The following EXOC4 variants were observed in gnomAD, a reference collection of about 807,000 sequenced individuals.
EXOC4 encodes the protein exocyst complex component 4.
In EXOC4, 71 loss-of-function variants were observed where a neutral mutation model predicts 107.2. The ratio of observed to expected loss-of-function variants is 0.66; its 90% CI spans 0.55 to 0.81. The LOEUF (loss-of-function observed/expected upper bound fraction) is 0.81, where lower values mean the gene tolerates loss of function less well. EXOC4 is among the 30% of genes least tolerant of loss of function. The pLI, the probability that EXOC4 is intolerant of heterozygous loss-of-function variation, is 0.00. For missense variants in EXOC4, 1,108 were observed against 1,189.6 expected (o/e 0.93, Z 1.01); for synonymous variants, 456 against 441.2 (o/e 1.03, Z -0.42).
intron 13 of EXOC4, among the ~76,000 whole-genome samples, chr7:133,926,566 A>G (rs1299218583): frequency 6.6e-6 from 1 of 152,202 alleles, no homozygotes; most frequent in Non-Finnish European, 1.5e-5. Context: ...TGGAGGAAAA[A>G]TAATCTATTG....
At chr7:134,014,514 T>G (rs1794853781) in intron 17 of EXOC4, among the ~76,000 whole-genome samples, 1 of 152,188 alleles carries the variant, frequency 6.6e-6, no homozygotes, top group South Asian at 2.1e-4. Context: ...TGCTGAATCT[T>G]GAAACATTAT....
At chr7:133,396,858 T>G (rs1796980289) in intron 7 of EXOC4, among the ~76,000 whole-genome samples, 1 of 152,216 alleles carries the variant, frequency 6.6e-6, no homozygotes, top group African/African-American at 2.4e-5. Flanking sequence ...TTTGCTTCTA[T>G]TCAGTACCAT....
At chr7:134,074,914 A>C in the EXOC4 span, among the ~76,000 whole-genome samples, 314 of 152,312 alleles carry the variant, frequency 2.1e-3, no homozygotes, top group Middle Eastern at 0.01. Flanking sequence ...GGAAAATGGA[A>C]CTGGACCATG....
At chr7:133,325,634 G>A (rs745465668) in intron 5 of EXOC4, among the ~76,000 whole-genome samples, 74 of 152,296 alleles carry the variant, frequency 4.9e-4, no homozygotes, top group Admixed American at 1.6e-3. Context: ...CTCTCTGGCT[G>A]CCCTTAATAT....
chr7:134,046,481 CAAA>C (rs1202342530), intron 17 of EXOC4, among the ~76,000 whole-genome samples: 2 of 148,602 alleles, frequency 1.3e-5, no homozygotes, highest in African/African-American at 4.9e-5. Flanking sequence ...AAAAAAAAAA[CAAA>C]AAAAGACGGC....
At chr7:133,658,914 A>G (rs887391439) in intron 10 of EXOC4, among the ~76,000 whole-genome samples, 1 of 150,632 alleles carries the variant, frequency 6.6e-6, no homozygotes, top group African/African-American at 2.4e-5. Context: ...TAGGAAAGAA[A>G]TGATCTTTTG....
intron 10 of EXOC4, among the ~76,000 whole-genome samples, chr7:133,716,679 A>C (rs1383961185): frequency 6.6e-6 from 1 of 152,220 alleles, no homozygotes; most frequent in African/African-American, 2.4e-5. Context: ...ACTGTGGCTC[A>C]TGCCTGTAAT....
At chr7:133,553,330 A>G (rs183778573) in intron 9 of EXOC4, among the ~76,000 whole-genome samples, 9 of 152,240 alleles carry the variant, frequency 5.9e-5, no homozygotes, top group East Asian at 1.9e-4. Context: ...TGCTAAATCA[A>G]TTCCGTCTCT....
At chr7:133,734,196 G>C (rs568182603) in intron 10 of EXOC4, among the ~76,000 whole-genome samples, 2 of 152,218 alleles carry the variant, frequency 1.3e-5, no homozygotes, top group Non-Finnish European at 2.9e-5. Context: ...CCTTGGGACA[G>C]CTTCCGTTAG....
At chr7:133,673,520 C>T (rs1431450686) in intron 10 of EXOC4, among the ~76,000 whole-genome samples, 1 of 152,194 alleles carries the variant, frequency 6.6e-6, no homozygotes, top group African/African-American at 2.4e-5. Flanking sequence ...GGTCTCACCA[C>T]ACACACCCTT....
At chr7:133,919,322 T>A (rs1323662279) in intron 13 of EXOC4, among the ~76,000 whole-genome samples, 1 of 152,184 alleles carries the variant, frequency 6.6e-6, no homozygotes, top group African/African-American at 2.4e-5. Context: ...GTTTTTAACA[T>A]CTTGCATTCA....
intron 11 of EXOC4, among the ~76,000 whole-genome samples, chr7:133,823,842 A>T (rs1212473089): frequency 2.1e-4 from 4 of 18,988 alleles, no homozygotes. Context: ...ATATATATAT[A>T]TTATATATAT....
At chr7:133,871,749 T>C (rs991475832) in intron 11 of EXOC4, among the ~76,000 whole-genome samples, 2 of 152,200 alleles carry the variant, frequency 1.3e-5, no homozygotes, top group African/African-American at 4.8e-5. Context: ...AATCTGGGCT[T>C]CATGATCTAC....
rs74490173 is a variant in EXOC4, at chr7:133,441,277, G to A, written c.1183-34051G>A. Among the ~76,000 whole-genome samples the A allele has an allele frequency of 4.5e-3, 681 of 152,266 alleles. 8 individuals carry two copies. The highest frequency in any genetic ancestry group is 0.016 in the African/African-American group (655 of 41,546). On this transcript the variant is annotated intron_variant, in intron 7 of 17. Coordinates refer to ENST00000253861, the MANE Select transcript of EXOC4 (RefSeq NM_021807.4). ...AGGTACACGGAATATGTGGAAGGAA[G>A]GAATGTAATGAAGGGACTAGCAGAA... is the stretch of plus-strand genomic sequence containing the variant.
intron 14 of EXOC4, 142 bp from the exon 15 acceptor site, chr7:133,997,350 A>T: frequency 1.3e-6 from 1 of 758,766 alleles, no homozygotes; most frequent in Non-Finnish European, 2.1e-6. Flanking sequence ...GAAATTGTCT[A>T]TCATGTCTTG....
chr7:133,982,318 C>T (rs1474210315), intron 14 of EXOC4, among the ~76,000 whole-genome samples: 4 of 152,196 alleles, frequency 2.6e-5, no homozygotes, highest in African/African-American at 4.8e-5. Context: ...TTTGGGAGGC[C>T]GAGGCGGGCA....
At chr7:133,847,243 T>G (rs1006192259) in intron 11 of EXOC4, among the ~76,000 whole-genome samples, 5 of 152,212 alleles carry the variant, frequency 3.3e-5, no homozygotes, top group Non-Finnish European at 7.4e-5. Flanking sequence ...ATAAAGAGCA[T>G]AATTTAGATA....
rs1584805280 is a variant in EXOC4 at position 133,317,287 on chromosome 7, C to T, written c.660C>T (p.Ser220=). The change falls in exon 5 of 18, where the codon TCC becomes TCT. Residue 220 remains serine, a synonymous_variant. Transcript: ENST00000253861. ...TAGTGCTTCTTTTCCCGTTCAGCTC[C>T]CTCGTGAAAGATGCTTCTGTTCCTC... is the stretch of plus-strand genomic sequence containing the variant. ...QRNKEKGKIS[S]LVKDASVPLI... is the part of the protein sequence containing the mutation. The T allele has an allele frequency of 3.1e-6, 5 of 1,611,200 alleles. No individual in the cohort carries two copies. The East Asian group carries it at 1.1e-4, about 36-fold the overall frequency.
At chr7:133,664,434 G>A (rs1793765988) in intron 10 of EXOC4, among the ~76,000 whole-genome samples, 1 of 152,100 alleles carries the variant, frequency 6.6e-6, no homozygotes. Flanking sequence ...ATGTTGGTCT[G>A]CGAGTACGAT....
Sources: allele counts gnomAD v4.1 joint callset (sites outside exome capture counted in the v4.1 genomes callset), GRCh38; gene constraint gnomAD v4.1.1; transcripts MANE v1.5; gene names NCBI Gene and HGNC (gene_info 2026-07-23, HGNC 2026-07-21).